Variants in USP36 observed in about 807,000 individuals in gnomAD.
USP36 encodes ubiquitin specific peptidase 36.
In USP36, 59 loss-of-function variants were observed where a neutral mutation model predicts 111.5. That is an observed-to-expected ratio of 0.53 (90% confidence interval 0.43 to 0.66). USP36 has a LOEUF of 0.66. Ranked by LOEUF, USP36 falls within the 30% of genes least tolerant of loss-of-function variation. The probability of loss-of-function intolerance (pLI) is 0.00; values close to 1 mark genes in which losing one functional copy is unlikely to be tolerated. For missense variants in USP36, 1,488 were observed against 1,468.0 expected, an observed-to-expected ratio of 1.01 and a Z score of -0.22; for synonymous variants, 628 against 581.0, an observed-to-expected ratio of 1.08 and a Z score of -1.16.
Position 78,807,097 on chromosome 17 carries a change from G to C in USP36, c.1947C>G (p.Gly649=), listed in dbSNP as rs143816156. The C allele has an allele frequency of 2.5e-6, 4 of 1,614,128 alleles. No individual in the cohort carries two copies. The highest frequency in any genetic ancestry group is 3.4e-6 in the Non-Finnish European group (4 of 1,180,052). Reference sequence around the variant, plus strand: ...CTCCACTTGGCGGCGTTTTGGAGTGGCCAGCGGTGGAACAGTTCGTTTCCT... The same window carrying C: ...CTCCACTTGGCGGCGTTTTGGAGTGCCCAGCGGTGGAACAGTTCGTTTCCT... ...DSQETNCSTA[G]HSKTPPSGAD... The change falls in exon 14 of 21, where the codon GGC becomes GGG. Residue 649 remains glycine (G), a synonymous_variant. Transcript: ENST00000449938.
intron 10 of USP36, 47 bp from the exon 11 acceptor site, chr17:78,814,599 TA>T: frequency 6.3e-7 from 1 of 1,593,670 alleles, no homozygotes; most frequent in South Asian, 1.1e-5. Flanking sequence ...ACTTTGAGAG[TA>T]AAGATCAATT....
At chr17:78,817,496 T>C (rs2094215391) in intron 10 of USP36, among the ~76,000 whole-genome samples, 2 of 152,190 alleles carry the variant, frequency 1.3e-5, no homozygotes, top group Admixed American at 6.5e-5. Context: ...GGCTCATGCC[T>C]GTTATCCCAG....
Position 78,796,573 on chromosome 17 carries a change from C to T in USP36, c.*1327G>A, listed in dbSNP as rs2093631975. The T allele has an allele frequency of 1.3e-5, 2 of 152,040 alleles. No homozygotes were observed. Among genetic ancestry groups the T allele is most frequent in the African/African-American group, 4.8e-5 (2 of 41,376 alleles). The allele number at this position is 152,040 out of a possible 1,614,324, so 9.4% of individuals were successfully genotyped here. A position where few individuals can be genotyped will look rare whatever the true frequency, so the allele number is the denominator to read the frequency against. On this transcript the variant is annotated 3_prime_UTR_variant, in exon 21 of 21. Coordinates refer to ENST00000449938, the MANE Select transcript of USP36 (RefSeq NM_001385174.1). ...CATGGAAAAAAATAAATGTATCTTC[C>T]CATATTAAAAAAGCAATTCCATCTA...
intron 1 of USP36, 139 bp from the exon 2 acceptor site, chr17:78,838,889 A>C (rs77203712): frequency 5.3e-5 from 8 of 152,308 alleles, no homozygotes; most frequent in African/African-American, 1.9e-4. Flanking sequence ...GCGTGCACTC[A>C]GGATGAGGCG....
chr17:78,808,072 A>T (rs1182137997), intron 13 of USP36, among the ~76,000 whole-genome samples: 1 of 152,244 alleles, frequency 6.6e-6, no homozygotes, highest in African/African-American at 2.4e-5. Context: ...TGGGAAGAGA[A>T]AAAAGTATAA....
At chr17:78,813,055 G>A (rs1473817647) in intron 12 of USP36, 54 bp from the exon 13 acceptor site, 22 of 1,607,392 alleles carry the variant, frequency 1.4e-5, no homozygotes, top group South Asian at 4.4e-5. Context: ...TTACAGAAAC[G>A]GAGAGAATTA....
At chr17:78,817,372 A>G (rs1440753253) in intron 10 of USP36, among the ~76,000 whole-genome samples, 1 of 152,172 alleles carries the variant, frequency 6.6e-6, no homozygotes, top group Admixed American at 6.5e-5. Context: ...AGCCCCCACC[A>G]CTACCAGTGA....
intron 13 of USP36, among the ~76,000 whole-genome samples, chr17:78,809,025 CA>C (rs1333414920): frequency 2.0e-5 from 3 of 152,150 alleles, no homozygotes; most frequent in Admixed American, 1.3e-4. Flanking sequence ...ATCTATTTTT[CA>C]AAACATTTGC....
intron 17 of USP36, among the ~76,000 whole-genome samples, chr17:78,800,167 C>G (rs1428334877): frequency 6.7e-6 from 1 of 150,106 alleles, no homozygotes; most frequent in East Asian, 1.9e-4. Flanking sequence ...ACCCCTTTAA[C>G]CAGTAGTGTT....
In USP36 at chr17:78,803,493, A is replaced by T. The variant is rs750573740; in HGVS notation, c.2702T>A (p.Val901Glu). 7 of 1,612,876 alleles carry T rather than the reference A, an allele frequency of 4.3e-6. No homozygotes were observed. The South Asian group carries it at 7.7e-5, about 18-fold the overall frequency. Residue 901 changes from valine to glutamate, a missense_variant, in exon 16 of 21, where the codon GTG becomes GAG. Val to Glu is a moderately radical substitution (Grantham distance 121). Coordinates refer to ENST00000449938, the MANE Select transcript of USP36 (RefSeq NM_001385174.1). This position sits in a 1 kb window ranked among gnomAD's most constrained non-coding sequence, Gnocchi z 4.6. ...GTQPQVNGQQ[V>E]GCVTDGHHAS... ...GTGGTGGCCGTCCGTAACACATCCC[A>T]CCTGCTGGCCATTCACCTGTGGCTG...
Position 78,807,577 on chromosome 17 carries a change from T to C in USP36, c.1467A>G (p.Ile489Met), listed in dbSNP as rs3744795. ...GGCCCAGGGTGGAGCCATTCCTGGA[T>C]ATGGGCACACCAATCTCTTCAGTGG... The part of the protein sequence containing the change: ...PHTTEEIGVP[I>M]SRNGSTLGLK... The change falls in exon 14 of 21, where the codon ATA (isoleucine) becomes ATG (methionine). Residue 489 changes from isoleucine (I) to methionine (M), a missense_variant. By Grantham distance (10) the Ile-to-Met change is conservative (BLOSUM62 1). This residue lies in a region of USP36 where 1,073 missense variants were observed against 994.1 expected (regional missense o/e 1.08). Transcript: ENST00000449938. The C allele has an allele frequency of 0.031, 50,188 of 1,601,162 alleles. 1,847 individuals carry two copies. Among genetic ancestry groups the C allele is most frequent in the South Asian group, 0.14 (12,707 of 89,042 alleles).
chr17:78,815,025 C>G (rs2094147141), intron 10 of USP36, among the ~76,000 whole-genome samples: 1 of 149,402 alleles, frequency 6.7e-6, no homozygotes, highest in Non-Finnish European at 1.5e-5. Context: ...GGAGCTCCCC[C>G]AGGCAATGAT....
At chr17:78,790,079 G>A (rs2093569894) in intron 3 of USP36, among the ~76,000 whole-genome samples, 1 of 152,074 alleles carries the variant, frequency 6.6e-6, no homozygotes, top group Non-Finnish European at 1.5e-5. Flanking sequence ...ACAGAAAAAT[G>A]GCAGAATAAT....
chr17:78,813,432 A>G (rs887440478), intron 12 of USP36, among the ~76,000 whole-genome samples: 1 of 152,186 alleles, frequency 6.6e-6, no homozygotes, highest in Non-Finnish European at 1.5e-5. Context: ...CCTTCCCAGC[A>G]TATCCCTACA....
rs2093663567 is a variant in USP36 at position 78,798,350 on chromosome 17, C to T, written c.*20+50G>A. Reference sequence around the variant, plus strand: ...CCCACCACACCCCTACACACATACACGGCACACACACCCCCACCTCACCCT... The same window carrying T: ...CCCACCACACCCCTACACACATACATGGCACACACACCCCCACCTCACCCT... On this transcript the variant is annotated intron_variant, in intron 20 of 20. Transcript: ENST00000449938. This position sits in a 1 kb window ranked among gnomAD's most constrained non-coding sequence, Gnocchi z 5.1. 1.9e-5 allele frequency: 31 copies of T among 1,600,994 alleles called. No individual in the cohort carries two copies. The highest frequency in any genetic ancestry group is 2.2e-5 in the East Asian group (1 of 44,710).
At position 78,807,089 on chromosome 17, in the gene USP36, T is replaced by C; in HGVS notation, c.1955A>G (p.Lys652Arg). 3 of 1,614,236 alleles carry C rather than the reference T, an allele frequency of 1.9e-6. No homozygotes were observed. The highest frequency in any genetic ancestry group is 1.7e-6 in the Non-Finnish European group (2 of 1,180,044). The change falls in exon 14 of 21, where the codon AAA becomes AGA. Residue 652 changes from lysine to arginine, a missense_variant. Lys to Arg is a conservative substitution (Grantham distance 26). Around this residue, in one of 3 missense-constraint regions of USP36, gnomAD observed 1,073 missense variants for 994.1 expected, o/e 1.08. Coordinates refer to ENST00000449938, the MANE Select transcript of USP36 (RefSeq NM_001385174.1). Reference sequence around the variant, plus strand: ...AGAATCTGCTCCACTTGGCGGCGTTTTGGAGTGGCCAGCGGTGGAACAGTT... The same window carrying C: ...AGAATCTGCTCCACTTGGCGGCGTTCTGGAGTGGCCAGCGGTGGAACAGTT... ...ETNCSTAGHS[K>R]TPPSGADSKT...
chr17:78,788,458 C>T (rs892301119), intron 3 of USP36, among the ~76,000 whole-genome samples: 8 of 152,142 alleles, frequency 5.3e-5, no homozygotes, highest in East Asian at 3.9e-4. Flanking sequence ...CCACCGCACC[C>T]GGCCCTGGTT....
chr17:78,806,348 G>A, intron 14 of USP36, 62 bp from the exon 15 acceptor site: 1 of 1,593,070 alleles, frequency 6.3e-7, no homozygotes, highest in East Asian at 2.2e-5. Flanking sequence ...GAGTGAAGAG[G>A]GAAAACAAAA....
At chr17:78,818,906 G>A (rs1331673468) in intron 9 of USP36, 128 bp from the exon 10 acceptor site, 12 of 906,454 alleles carry the variant, frequency 1.3e-5, no homozygotes, top group African/African-American at 3.3e-5. Context: ...ATGAGATTTC[G>A]ACCTTCTGCT....
Sources: allele counts gnomAD v4.1 joint callset (sites outside exome capture counted in the v4.1 genomes callset), GRCh38; gene constraint gnomAD v4.1.1; regional missense constraint gnomAD v4.1.1; non-coding constraint Gnocchi (gnomAD v3.1); transcripts MANE v1.5; gene names NCBI Gene and HGNC (gene_info 2026-07-23, HGNC 2026-07-21).